KLHDC4: variants seen among roughly 807,000 people sequenced by gnomAD.
KLHDC4 encodes kelch domain-containing protein 4.
KLHDC4 carries 90 observed loss-of-function variants against 62.4 expected under a neutral mutation model. That is an observed-to-expected ratio of 1.44 (90% CI 1.22 to 1.72). The LOEUF (loss-of-function observed/expected upper bound fraction) is 1.72, where lower values mean the gene tolerates loss of function less well. Ranked by LOEUF, KLHDC4 falls within the 40% of genes most tolerant of loss-of-function variation. The probability of loss-of-function intolerance (pLI) is 0.00; values close to 1 mark genes in which losing one functional copy is unlikely to be tolerated. For synonymous variants in KLHDC4, 386 were observed against 284.4 expected, an observed-to-expected ratio of 1.36 and a Z score of -3.59; for missense variants, 1,025 against 699.7, an observed-to-expected ratio of 1.47 and a Z score of -5.25.
chr16:87,762,838 C>T (rs1215550013), intron 1 of KLHDC4, among the ~76,000 whole-genome samples: 2 of 152,134 alleles, frequency 1.3e-5, no homozygotes, highest in African/African-American at 4.8e-5. Flanking sequence ...TTTCAAGTTC[C>T]TTCTAGCCTT....
At chr16:87,709,054 C>G (rs112155715) in intron 10 of KLHDC4, among the ~76,000 whole-genome samples, 1 of 152,374 alleles carries the variant, frequency 6.6e-6, no homozygotes, top group African/African-American at 2.4e-5. Flanking sequence ...CGTCAGCACC[C>G]GGGACAAAGG....
At chr16:87,765,461 A>C (rs552075668) in intron 1 of KLHDC4, 29 of 498,778 alleles carry the variant, frequency 5.8e-5, no homozygotes, top group Non-Finnish European at 1.1e-4. Context: ...CCCTCTTCTC[A>C]CCACCCAGCC....
chr16:87,726,708 G>T, intron 7 of KLHDC4, 57 bp downstream of exon 7: 1 of 311,942 alleles, frequency 3.2e-6, no homozygotes. Flanking sequence ...TCCCCACCCC[G>T]CGCCTCGCCT....
chr16:87,706,695 C>T (rs756583936), downstream of KLHDC4, among the ~76,000 whole-genome samples: 8 of 152,354 alleles, frequency 5.3e-5, no homozygotes, highest in East Asian at 1.9e-4. Flanking sequence ...TGCCACCCAC[C>T]GAGGCCTCCT....
rs373425883 is a variant in KLHDC4, at chr16:87,765,941, G to A, written c.-51C>T. 5.9e-5 allele frequency: 89 copies of A among 1,516,882 alleles called. No individual in the cohort carries two copies. The highest frequency in any genetic ancestry group is 7.7e-5 in the Non-Finnish European group (86 of 1,119,700). The allele number at this position is 1,516,882 out of a possible 1,614,324, so 94.0% of individuals were successfully genotyped here. A position where few individuals can be genotyped will look rare whatever the true frequency, so the allele number is the denominator to read the frequency against. On this transcript the variant is annotated 5_prime_UTR_variant, in exon 1 of 12. Coordinates refer to ENST00000270583, the MANE Select transcript of KLHDC4 (RefSeq NM_017566.4). ...GACACCAGGAAAGAAAACGGCCCGC[G>A]CTCTCCGCTCGGAAACAGGTGCTCG...
intron 7 of KLHDC4, among the ~76,000 whole-genome samples, chr16:87,715,016 A>C (rs924245939): frequency 2.0e-5 from 3 of 152,186 alleles, no homozygotes; most frequent in African/African-American, 7.2e-5. Flanking sequence ...CTGCCCACTG[A>C]AAGACTTCTC....
chr16:87,749,713 A>G (rs2043616752), intron 4 of KLHDC4, among the ~76,000 whole-genome samples: 1 of 152,064 alleles, frequency 6.6e-6, no homozygotes, highest in South Asian at 2.1e-4. Context: ...CCTCCTGAGT[A>G]GCTTGGACGA....
chr16:87,764,409 G>T (rs1337041601), intron 1 of KLHDC4, among the ~76,000 whole-genome samples: 3 of 152,062 alleles, frequency 2.0e-5, no homozygotes, highest in African/African-American at 7.2e-5. Context: ...CAGCACTTTG[G>T]GAGGCCGAGG....
At chr16:87,735,412 GGGAACACAGGCCT>G (rs774091562) in intron 5 of KLHDC4, among the ~76,000 whole-genome samples, 33 of 152,160 alleles carry the variant, frequency 2.2e-4, no homozygotes, top group Non-Finnish European at 4.0e-4. Context: ...CAACCAGCGA[GGGAACACAGGCCT>G]GGGGCCTGCT....
At chr16:87,759,654 G>T (rs1267030212) in intron 2 of KLHDC4, among the ~76,000 whole-genome samples, 2 of 150,028 alleles carry the variant, frequency 1.3e-5, no homozygotes, top group East Asian at 4.1e-4. Flanking sequence ...GCTGAGGCAG[G>T]AGAATCACTT....
intron 1 of KLHDC4, among the ~76,000 whole-genome samples, chr16:87,762,949 C>T (rs571309360): frequency 2.4e-4 from 37 of 152,264 alleles, no homozygotes; most frequent in Middle Eastern, 3.4e-3. Flanking sequence ...CTCCAAGATA[C>T]ACCAGCGTCC....
chr16:87,756,748 C>T (rs972071726), intron 2 of KLHDC4, among the ~76,000 whole-genome samples: 4 of 151,938 alleles, frequency 2.6e-5, no homozygotes, highest in African/African-American at 9.7e-5. Flanking sequence ...AAAAAATTCC[C>T]CAGGCAGGAA....
At chr16:87,765,435 C>T (rs1221208436) in intron 1 of KLHDC4, 1 of 496,884 alleles carries the variant, frequency 2.0e-6, no homozygotes. Flanking sequence ...CTCAGGTCTT[C>T]CTGTGCCAAA....
chr16:87,739,353 G>A (rs192744646), intron 5 of KLHDC4, among the ~76,000 whole-genome samples: 2 of 122,376 alleles, frequency 1.6e-5, no homozygotes, highest in Non-Finnish European at 3.3e-5. Flanking sequence ...CCACACACCA[G>A]CATCTCATCC....
Position 87,723,779 on chromosome 16 carries a change from G to A in KLHDC4, c.759+2986C>T, listed in dbSNP as rs73244204. ...AATGGAGAAACAGACCTATGTTCCTGCAGGCATGTGATTTTCAACAAAGGT... is the reference window on the plus strand; with the variant it reads ...AATGGAGAAACAGACCTATGTTCCTACAGGCATGTGATTTTCAACAAAGGT... On this transcript the variant is annotated intron_variant, in intron 7 of 11. Transcript: ENST00000270583. Among the ~76,000 whole-genome samples the A allele has an allele frequency of 7.2e-3, 1,092 of 152,390 alleles. 20 individuals are homozygous for A. Among genetic ancestry groups the A allele is most frequent in the African/African-American group, 0.025 (1,043 of 41,596 alleles).
chr16:87,762,174 C>T, intron 1 of KLHDC4, 134 bp from the exon 2 acceptor site: 4 of 1,477,764 alleles, frequency 2.7e-6, no homozygotes, highest in Admixed American at 2.7e-5. Context: ...CATACTGTGC[C>T]TGTTTGAAAT....
At chr16:87,735,484 G>A (rs1291163565) in intron 5 of KLHDC4, among the ~76,000 whole-genome samples, 1 of 152,122 alleles carries the variant, frequency 6.6e-6, no homozygotes, top group Admixed American at 6.5e-5. Flanking sequence ...GCGCTGGGGC[G>A]GGGCCTCCTT....
At position 87,711,265 on chromosome 16, in the gene KLHDC4, G is replaced by A. The variant is rs1474056917; in HGVS notation, c.1014C>T (p.Thr338=). The A allele has an allele frequency of 1.2e-6, 2 of 1,614,114 alleles. No individual in the cohort carries two copies. Among genetic ancestry groups the A allele is most frequent in the South Asian group, 2.2e-5 (2 of 91,080 alleles). The change falls in exon 9 of 12, where the codon ACC becomes ACT. Residue 338 remains threonine, a synonymous_variant. Coordinates refer to ENST00000270583, the MANE Select transcript of KLHDC4 (RefSeq NM_017566.4). ...FFNDLYFYDA[T]RNRWFEGQLK... The stretch of plus-strand genomic sequence containing the variant: ...GCTGTCCCTCAAACCAACGGTTCCT[G>A]GTGGCGTCGTAGAAGTACAGATCGT...
At chr16:87,764,023 G>C (rs887653910) in intron 1 of KLHDC4, among the ~76,000 whole-genome samples, 2 of 152,180 alleles carry the variant, frequency 1.3e-5, no homozygotes, top group African/African-American at 4.8e-5. Context: ...ACTAAGTGAA[G>C]GTGCGAACCA....
Sources: allele counts gnomAD v4.1 joint callset (sites outside exome capture counted in the v4.1 genomes callset), GRCh38; gene constraint gnomAD v4.1.1; transcripts MANE v1.5; gene names NCBI Gene and HGNC (gene_info 2026-07-23, HGNC 2026-07-21).